The following MAP2 variants were observed in gnomAD, a reference collection of about 807,000 sequenced individuals.
MAP2 encodes microtubule associated protein 2, also known as microtubule-associated protein 2.
Under a neutral mutation model 137.6 loss-of-function variants are expected in MAP2, and 14 were observed. The observed-to-expected ratio is 0.10, with a 90% CI of 0.07 to 0.16. The LOEUF is 0.16. Among genes scored for constraint, MAP2 ranks in the 10% least tolerant of loss-of-function variants. MAP2 has a pLI of 1.00. For synonymous variants in MAP2, 786 were observed against 782.3 expected, an observed-to-expected ratio of 1.00 and a Z score of -0.08; for missense variants, 2,088 against 2,191.5, an observed-to-expected ratio of 0.95 and a Z score of 0.94.
At chr2:209,643,595 C>G (rs2094193621) in intron 4 of MAP2, among the ~76,000 whole-genome samples, 1 of 152,190 alleles carries the variant, frequency 6.6e-6, no homozygotes, top group Non-Finnish European at 1.5e-5. Context: ...ACTTCTATCA[C>G]AAACCATTAA....
chr2:209,438,818 C>T (rs1487748208), intron 1 of MAP2, among the ~76,000 whole-genome samples: 1 of 151,402 alleles, frequency 6.6e-6, no homozygotes, highest in Non-Finnish European at 1.5e-5. Context: ...TTTGCTGTTA[C>T]ATATCATCTT....
At chr2:209,655,837 A>G (rs1278913850) in intron 5 of MAP2, among the ~76,000 whole-genome samples, 2 of 152,256 alleles carry the variant, frequency 1.3e-5, no homozygotes, top group African/African-American at 4.8e-5. Context: ...CAGTGACATC[A>G]GGTCCACAGC....
chr2:209,566,034 A>G (rs183800574), intron 2 of MAP2, among the ~76,000 whole-genome samples: 1 of 152,140 alleles, frequency 6.6e-6, no homozygotes, highest in African/African-American at 2.4e-5. Context: ...TCTGTTTTTC[A>G]TTCTCCCTCA....
intron 2 of MAP2, among the ~76,000 whole-genome samples, chr2:209,531,546 T>A (rs1266786739): frequency 1.3e-5 from 2 of 152,202 alleles, no homozygotes; most frequent in African/African-American, 4.8e-5. Flanking sequence ...ACTTTGAGAA[T>A]AATGAGTCAG....
At chr2:209,657,021 G>T (rs143812374) in intron 5 of MAP2, among the ~76,000 whole-genome samples, 1 of 152,114 alleles carries the variant, frequency 6.6e-6, no homozygotes, top group East Asian at 1.9e-4. Context: ...AAGTGAGAAC[G>T]TATGGTATTT....
At position 209,633,530 on chromosome 2, in the gene MAP2, G is replaced by C. The variant is rs184672839; in HGVS notation, c.-30+8401G>C. Among the ~76,000 whole-genome samples the C allele has an allele frequency of 2.6e-5, 4 of 152,248 alleles. No individual in the cohort carries two copies. The East Asian group carries it at 7.7e-4, about 29-fold the overall frequency. Reference sequence around the variant, plus strand: ...AAGTTATGAGTAAAATAATGAGTACGTGATAAGTAAATGGATTAAAGAGGT... The same window carrying C: ...AAGTTATGAGTAAAATAATGAGTACCTGATAAGTAAATGGATTAAAGAGGT... On this transcript the variant is annotated intron_variant, in intron 4 of 15. Coordinates refer to ENST00000682079, the MANE Select transcript of MAP2 (RefSeq NM_001375505.1).
intron 2 of MAP2, among the ~76,000 whole-genome samples, chr2:209,527,505 T>C (rs1420963346): frequency 6.6e-6 from 1 of 152,142 alleles, no homozygotes; most frequent in South Asian, 2.1e-4. Context: ...CCGCCTCTCT[T>C]CTTTCTCACC....
At chr2:209,619,579 T>C (rs2090533767) in intron 3 of MAP2, among the ~76,000 whole-genome samples, 1 of 152,058 alleles carries the variant, frequency 6.6e-6, no homozygotes, top group Admixed American at 6.6e-5. Context: ...ATGTGCCCCA[T>C]TGCTGCTCAA....
chr2:209,591,283 G>C (rs1033859560), intron 3 of MAP2, among the ~76,000 whole-genome samples: 1 of 152,132 alleles, frequency 6.6e-6, no homozygotes, highest in Non-Finnish European at 1.5e-5. Context: ...TGTCACCACT[G>C]GAGCAAGAGC....
intron 3 of MAP2, among the ~76,000 whole-genome samples, chr2:209,618,003 G>A (rs1343297714): frequency 6.6e-6 from 1 of 151,958 alleles, no homozygotes; most frequent in Non-Finnish European, 1.5e-5. Context: ...AAAAAGGTCA[G>A]GGACATGAAT....
chr2:209,540,034 G>A (rs1325299052), intron 2 of MAP2, among the ~76,000 whole-genome samples: 8 of 146,212 alleles, frequency 5.5e-5, no homozygotes, highest in African/African-American at 1.0e-4. Context: ...CTGGGAGGTC[G>A]AGGCTGCAGT....
At chr2:209,562,758 A>G (rs950418827) in intron 2 of MAP2, among the ~76,000 whole-genome samples, 2 of 152,014 alleles carry the variant, frequency 1.3e-5, no homozygotes, top group Non-Finnish European at 2.9e-5. Context: ...ACTGAAACCA[A>G]TGCCTCAAAA....
chr2:209,455,052 G>A (rs1008166030), intron 1 of MAP2, among the ~76,000 whole-genome samples: 4 of 152,174 alleles, frequency 2.6e-5, no homozygotes, highest in Admixed American at 1.3e-4. Flanking sequence ...CTCTTCTTAT[G>A]AGGGCACTAA....
At chr2:209,430,100 C>G (rs1479074545) in intron 1 of MAP2, among the ~76,000 whole-genome samples, 1 of 149,766 alleles carries the variant, frequency 6.7e-6, no homozygotes, top group Non-Finnish European at 1.5e-5. Flanking sequence ...TCCTTTTGGC[C>G]CACTTTGAAA....
At chr2:209,424,669 T>G (rs976584678) in intron 1 of MAP2, among the ~76,000 whole-genome samples, 2 of 152,086 alleles carry the variant, frequency 1.3e-5, no homozygotes, top group African/African-American at 4.8e-5. Flanking sequence ...GAAATCGAGG[T>G]AGGGGATTTT....
intron 2 of MAP2, among the ~76,000 whole-genome samples, chr2:209,525,488 C>A (rs2063897997): frequency 6.6e-6 from 1 of 152,154 alleles, no homozygotes; most frequent in African/African-American, 2.4e-5. Flanking sequence ...GAAGGCTAAT[C>A]TGTTGGCAAT....
intron 4 of MAP2, among the ~76,000 whole-genome samples, chr2:209,627,041 A>G (rs945220384): frequency 6.6e-6 from 1 of 152,114 alleles, no homozygotes; most frequent in Admixed American, 6.6e-5. Flanking sequence ...TTACTAATCT[A>G]ATGGGACTCA....
chr2:209,630,222 T>C (rs903110944), intron 4 of MAP2, among the ~76,000 whole-genome samples: 46 of 152,148 alleles, frequency 3.0e-4, no homozygotes, highest in Admixed American at 1.2e-3. Context: ...ACAGATCTTA[T>C]GAGGGTCTAG....
At chr2:209,585,144 C>T (rs747215438) in intron 3 of MAP2, among the ~76,000 whole-genome samples, 14 of 150,762 alleles carry the variant, frequency 9.3e-5, no homozygotes, top group African/African-American at 2.9e-4. Context: ...GGAGGGAGGG[C>T]GTGGGTGTTA....
Sources: allele counts gnomAD v4.1 joint callset (sites outside exome capture counted in the v4.1 genomes callset), GRCh38; gene constraint gnomAD v4.1.1; transcripts MANE v1.5; gene names NCBI Gene and HGNC (gene_info 2026-07-23, HGNC 2026-07-21).